The following PRKD1 variants were observed in gnomAD, a reference collection of about 807,000 sequenced individuals.
PRKD1 encodes serine/threonine-protein kinase D1.
Under a neutral mutation model 95.9 loss-of-function variants are expected in PRKD1, and 63 were observed. The ratio of observed to expected loss-of-function variants is 0.66; its 90% CI spans 0.54 to 0.81. The LOEUF (loss-of-function observed/expected upper bound fraction) is 0.81. Among genes scored for constraint, PRKD1 ranks in the 30% least tolerant of loss-of-function variants. The pLI is 0.00. For missense variants in PRKD1, 1,048 were observed against 1,165.3 expected, an observed-to-expected ratio of 0.90 and a Z score of 1.47; for synonymous variants, 425 against 423.1, an observed-to-expected ratio of 1.00 and a Z score of -0.05.
At chr14:29,633,199 C>A (rs1242056229) in intron 8 of PRKD1, among the ~76,000 whole-genome samples, 1 of 152,066 alleles carries the variant, frequency 6.6e-6, no homozygotes, top group African/African-American at 2.4e-5. Context: ...CCAGTAAGAG[C>A]CTGGCATTTA....
intron 13 of PRKD1, among the ~76,000 whole-genome samples, chr14:29,606,909 CAG>C (rs531327366): frequency 6.6e-6 from 1 of 152,224 alleles, no homozygotes; most frequent in Non-Finnish European, 1.5e-5. Flanking sequence ...TCTCTGAAGA[CAG>C]ATGTCCTGAG....
In PRKD1 at chr14:29,800,187, C is replaced by T. The variant is rs371072810; in HGVS notation, c.265-74513G>A. Reference sequence around the variant, plus strand: ...AAGAGACTCACAGGAACTAACCCACCCTGTATTTCTCCCAGGAGAAATGGT... The same window carrying T: ...AAGAGACTCACAGGAACTAACCCACTCTGTATTTCTCCCAGGAGAAATGGT... On this transcript the variant is annotated intron_variant, in intron 1 of 17. Coordinates refer to ENST00000331968, the MANE Select transcript of PRKD1 (RefSeq NM_002742.3). 1.2e-4 allele frequency among the ~76,000 whole-genome samples: 19 copies of T among 152,210 alleles called. No homozygotes were observed. The East Asian group carries it at 3.3e-3, about 26-fold the overall frequency.
chr14:29,599,528 A>G (rs1235266037), intron 14 of PRKD1, 128 bp downstream of exon 14: 1 of 866,248 alleles, frequency 1.2e-6, no homozygotes, highest in East Asian at 2.6e-5. Context: ...TAAAGCCACT[A>G]CAACCTTTTC....
chr14:29,804,203 T>C (rs1157288899), intron 1 of PRKD1, among the ~76,000 whole-genome samples: 2 of 150,120 alleles, frequency 1.3e-5, no homozygotes, highest in Non-Finnish European at 2.9e-5. Context: ...GATCAGGCCA[T>C]TATACTCCAG....
rs534474771 is a variant in PRKD1 at position 29,806,464 on chromosome 14, TACA to T, written c.265-80793_265-80791del. ...TTCAGGTTGCAGGAGAAAAAAAAAA[TACA>T]ACAAGTAGATCCAATCTGAAATATG... On this transcript the variant is annotated intron_variant, in intron 1 of 17. Transcript: ENST00000331968. Among the ~76,000 whole-genome samples, 136 of 151,080 alleles carry T rather than the reference TACA, an allele frequency of 9.0e-4. 2 individuals carry two copies. Among genetic ancestry groups the T allele is most frequent in the Middle Eastern group, 6.9e-3 (2 of 290 alleles).
At chr14:29,830,567 G>A (rs983986209) in intron 1 of PRKD1, among the ~76,000 whole-genome samples, 3 of 151,950 alleles carry the variant, frequency 2.0e-5, no homozygotes, top group Non-Finnish European at 4.4e-5. Context: ...GAAAGGGTAT[G>A]GTTCAAGTAG....
At chr14:29,655,317 T>C (rs183385136) in intron 4 of PRKD1, among the ~76,000 whole-genome samples, 2 of 152,264 alleles carry the variant, frequency 1.3e-5, no homozygotes, top group Admixed American at 1.3e-4. Flanking sequence ...AAAATAGGAA[T>C]TTACTATTAT....
intron 2 of PRKD1, among the ~76,000 whole-genome samples, chr14:29,701,304 G>T (rs900355373): frequency 2.0e-5 from 3 of 152,076 alleles, no homozygotes; most frequent in African/African-American, 7.2e-5. Flanking sequence ...TAGGAGTGAG[G>T]CCCAAAAATC....
chr14:29,608,219 A>C (rs901011933), intron 13 of PRKD1, among the ~76,000 whole-genome samples: 14 of 152,248 alleles, frequency 9.2e-5, no homozygotes, highest in African/African-American at 3.4e-4. Context: ...ATTTGTGAAG[A>C]TGTATAGGGC....
At chr14:29,735,662 T>G (rs1247436566) in intron 1 of PRKD1, among the ~76,000 whole-genome samples, 1 of 152,234 alleles carries the variant, frequency 6.6e-6, no homozygotes, top group African/African-American at 2.4e-5. Flanking sequence ...AGGCAAGGGT[T>G]CTACCAGCTC....
intron 1 of PRKD1, among the ~76,000 whole-genome samples, chr14:29,898,824 T>C (rs1429694940): frequency 6.6e-6 from 1 of 152,172 alleles, no homozygotes; most frequent in Non-Finnish European, 1.5e-5. Context: ...TTTTAAAATA[T>C]TTCTTTATAA....
chr14:29,776,078 G>C (rs1888738583), intron 1 of PRKD1, among the ~76,000 whole-genome samples: 1 of 152,080 alleles, frequency 6.6e-6, no homozygotes, highest in Non-Finnish European at 1.5e-5. Context: ...ACCTGCAGCT[G>C]AGGGTCCTGA....
intron 1 of PRKD1, among the ~76,000 whole-genome samples, chr14:29,786,556 G>T (rs1889283219): frequency 6.6e-6 from 1 of 151,940 alleles, no homozygotes; most frequent in Non-Finnish European, 1.5e-5. Context: ...ATTTCTTCTG[G>T]TTCAATCTTG....
intron 2 of PRKD1, among the ~76,000 whole-genome samples, chr14:29,707,066 T>C (rs1885125638): frequency 6.6e-6 from 1 of 152,186 alleles, no homozygotes. Context: ...GCCCATATAC[T>C]AGAATCGGGT....
intron 1 of PRKD1, among the ~76,000 whole-genome samples, chr14:29,779,817 C>T (rs1165939795): frequency 6.6e-6 from 1 of 152,244 alleles, no homozygotes; most frequent in South Asian, 2.1e-4. Flanking sequence ...CCAAAAAGAG[C>T]CCACATTGCC....
intron 14 of PRKD1, 74 bp downstream of exon 14, chr14:29,599,582 G>A (rs1416766904): frequency 2.1e-6 from 3 of 1,420,584 alleles, no homozygotes; most frequent in Admixed American, 1.9e-5. Flanking sequence ...AACAAGGCTA[G>A]AAAGCTGTAG....
intron 16 of PRKD1, chr14:29,594,056 C>G: frequency 2.3e-6 from 1 of 437,502 alleles, no homozygotes; most frequent in Non-Finnish European, 4.5e-6. Context: ...TGGGTTCTCT[C>G]TAATGCAGAG....
intron 1 of PRKD1, among the ~76,000 whole-genome samples, chr14:29,774,409 A>G (rs1888643627): frequency 6.6e-6 from 1 of 152,186 alleles, no homozygotes; most frequent in Non-Finnish European, 1.5e-5. Flanking sequence ...AAGGAGAAAG[A>G]AGAGGAAAAG....
At chr14:29,851,593 C>G (rs929375876) in intron 1 of PRKD1, among the ~76,000 whole-genome samples, 3 of 152,078 alleles carry the variant, frequency 2.0e-5, no homozygotes, top group African/African-American at 7.2e-5. Context: ...CAGATGCTAA[C>G]AAGTCTGCAG....
Sources: allele counts gnomAD v4.1 joint callset (sites outside exome capture counted in the v4.1 genomes callset), GRCh38; gene constraint gnomAD v4.1.1; transcripts MANE v1.5; gene names NCBI Gene and HGNC (gene_info 2026-07-23, HGNC 2026-07-21).